The following PRICKLE2 variants were observed in gnomAD, a reference collection of about 807,000 sequenced individuals.
The protein encoded by PRICKLE2 is prickle planar cell polarity protein 2, also known as prickle-like protein 2.
In PRICKLE2, 21 loss-of-function variants were observed where a neutral mutation model predicts 81.4. That is an observed-to-expected ratio of 0.26 (90% CI 0.18 to 0.37). PRICKLE2 has a LOEUF of 0.37. PRICKLE2 is among the 10% of genes least tolerant of loss of function. PRICKLE2 has a pLI of 1.00. For missense variants in PRICKLE2, 940 were observed against 1,109.0 expected (o/e 0.85, Z 2.16); for synonymous variants, 456 against 421.5 (o/e 1.08, Z -1.00).
chr3:64,204,767 T>C (rs2078651669), intron 1 of PRICKLE2, among the ~76,000 whole-genome samples: 1 of 152,194 alleles, frequency 6.6e-6, no homozygotes, highest in South Asian at 2.1e-4. Context: ...TTTTTCTTTG[T>C]AAAGAATTTT....
chr3:64,127,237 T>C lies in PRICKLE2; in HGVS notation c.1660+19593A>G, dbSNP rs546461050. Reference sequence around the variant, plus strand: ...GCAATACAAGCTCAGCCTTACCCAATAAGATAATGTGCAACATAATGCTCC... The same window carrying C: ...GCAATACAAGCTCAGCCTTACCCAACAAGATAATGTGCAACATAATGCTCC... On this transcript the variant is annotated intron_variant, in intron 7 of 7. Transcript: ENST00000638394. Among the ~76,000 whole-genome samples, 8 of 152,240 alleles carry C rather than the reference T, an allele frequency of 5.3e-5. No homozygotes were observed. In the South Asian group the frequency reaches 1.7e-3, roughly 32 times the overall value.
chr3:64,140,251 T>C (rs2077340184), intron 7 of PRICKLE2, among the ~76,000 whole-genome samples: 2 of 152,304 alleles, frequency 1.3e-5, no homozygotes, highest in Admixed American at 6.5e-5. Flanking sequence ...GCTATTAAAC[T>C]ATAAGTCCAG....
At chr3:64,159,145 GA>G (rs1484338324) in intron 4 of PRICKLE2, among the ~76,000 whole-genome samples, 3 of 152,142 alleles carry the variant, frequency 2.0e-5, no homozygotes, top group Non-Finnish European at 4.4e-5. Context: ...AGGAAATCCA[GA>G]ATCTTGAACG....
At chr3:64,222,263 G>C (rs1401618471) in intron 1 of PRICKLE2, among the ~76,000 whole-genome samples, 1 of 152,144 alleles carries the variant, frequency 6.6e-6, no homozygotes, top group Non-Finnish European at 1.5e-5. Context: ...GGTGGGCTGT[G>C]GTTAAGGTAT....
Position 64,147,558 on chromosome 3 carries a change from C to T in PRICKLE2, c.932G>A (p.Ser311Asn), listed in dbSNP as rs1473759175. The T allele has an allele frequency of 1.2e-6, 2 of 1,614,256 alleles. No homozygotes were observed. Among genetic ancestry groups the T allele is most frequent in the South Asian group, 1.1e-5 (1 of 91,086 alleles). Residue 311 changes from serine to asparagine, a missense_variant, in exon 7 of 8, where the codon AGT becomes AAT. Physicochemically the swap from Ser to Asn is conservative, Grantham distance 46 (BLOSUM62 1). Transcript: ENST00000638394. The surrounding 1 kb of genome is among the most constrained non-coding windows in gnomAD (Gnocchi z 5.0). ...QGQIFCSRAC[S>N]AGEDPNGSDS... ...AGAACCATTGGGGTCTTCCCCAGCA[C>T]TGCAGGCCCGTGAGCAGAATATCTG...
intron 7 of PRICKLE2, among the ~76,000 whole-genome samples, chr3:64,141,393 CTGAG>C (rs2077359514): frequency 6.6e-6 from 1 of 152,212 alleles, no homozygotes; most frequent in Non-Finnish European, 1.5e-5. Context: ...GTTGTGAGGA[CTGAG>C]TGAGTTTAGT....
At chr3:64,112,180 T>G (rs11130957) in intron 7 of PRICKLE2, among the ~76,000 whole-genome samples, 54,727 of 152,068 alleles carry the variant, frequency 0.36, 11,447 homozygotes, top group Middle Eastern at 0.52. Context: ...GCTCTTACCC[T>G]TGGCCAAATT....
At chr3:64,128,459 C>T (rs1023330554) in intron 7 of PRICKLE2, among the ~76,000 whole-genome samples, 8 of 152,072 alleles carry the variant, frequency 5.3e-5, no homozygotes, top group East Asian at 1.9e-4. Flanking sequence ...ATTTAAAAAG[C>T]GTATTTGGCC....
chr3:64,267,039 C>T (rs1482767966), intron 2 of PRICKLE2, among the ~76,000 whole-genome samples: 1 of 151,984 alleles, frequency 6.6e-6, no homozygotes, highest in Non-Finnish European at 1.5e-5. Flanking sequence ...GCTGAAACCT[C>T]ATCTTTTAAA....
intron 7 of PRICKLE2, among the ~76,000 whole-genome samples, chr3:64,117,547 T>C (rs1205392205): frequency 1.3e-5 from 2 of 152,150 alleles, no homozygotes; most frequent in East Asian, 1.9e-4. Flanking sequence ...AGCATTCCTA[T>C]ATACCAACAA....
intron 2 of PRICKLE2, among the ~76,000 whole-genome samples, chr3:64,167,708 T>C (rs115534937): frequency 1.3e-5 from 2 of 152,126 alleles, no homozygotes. Flanking sequence ...GAAAAGTGTA[T>C]GAAAAGTAAG....
rs2077826752 is a variant in PRICKLE2 at position 64,166,012 on chromosome 3, G to A, written c.145-2883C>T. 3.0e-5 allele frequency among the ~76,000 whole-genome samples: 3 copies of A among 99,612 alleles called. No individual in the cohort carries two copies. In the Admixed American group the frequency reaches 3.1e-4, roughly 10 times the overall value. The allele number at this position is 99,612 out of a possible 152,430, so 65.3% of individuals were successfully genotyped here. On this transcript the variant is annotated intron_variant, in intron 2 of 7. Transcript: ENST00000638394. ...TGTGTGTGTGTGTGTGTGTGTGTGT[G>A]TGTTTTGTTTTGTTTTTGTTTTTAG...
Position 64,099,919 on chromosome 3 carries a change from G to C in PRICKLE2, c.1667C>G (p.Ser556Cys). 1 of 1,614,142 alleles carries C rather than the reference G, an allele frequency of 6.2e-7. No individual in the cohort carries two copies. The highest frequency in any genetic ancestry group is 8.5e-7 in the Non-Finnish European group (1 of 1,180,028). Residue 556 changes from serine to cysteine, a missense_variant, in exon 8 of 8, where the codon TCT (serine) becomes TGT (cysteine). Around this residue, in one of 2 missense-constraint regions of PRICKLE2, gnomAD observed 670 missense variants for 717.2 expected, o/e 0.93. Transcript: ENST00000638394. The surrounding 1 kb of genome is among the most constrained non-coding windows in gnomAD (Gnocchi z 4.3). ...CTGGCGCTTGGCACCACCATCAGCA[G>C]AGAGGCCTGGGGAAGAGAGGAGGGG... ...SLALSNATGL[S>C]ADGGAKRQEH...
Position 64,094,100 on chromosome 3 carries a change from C to A in PRICKLE2, c.*4951G>T, listed in dbSNP as rs2076537081. ...GGCCCTTTGAGGTTTTGTTTATGCA[C>A]TTGAAATGAAAGCAGGAGATGGACA... On this transcript the variant is annotated 3_prime_UTR_variant, in exon 8 of 8. Transcript: ENST00000638394. The A allele has an allele frequency of 6.6e-6, 1 of 152,340 alleles. No individual in the cohort carries two copies. Among genetic ancestry groups the A allele is most frequent in the South Asian group, 2.1e-4 (1 of 4,824 alleles). 9.4% of individuals were successfully genotyped at this position (152,340 alleles called of 1,614,324 possible).
intron 2 of PRICKLE2, among the ~76,000 whole-genome samples, chr3:64,264,527 T>C (rs1323649680): frequency 6.6e-6 from 1 of 152,206 alleles, no homozygotes; most frequent in Non-Finnish European, 1.5e-5. Flanking sequence ...ACTGATGTTA[T>C]CATTTATAAT....
intron 2 of PRICKLE2, among the ~76,000 whole-genome samples, chr3:64,263,481 C>T (rs1409565925): frequency 1.3e-5 from 2 of 152,190 alleles, no homozygotes; most frequent in Non-Finnish European, 2.9e-5. Flanking sequence ...AGGCTTTGTT[C>T]AGTCTCTGCC....
At chr3:64,191,280 G>C (rs1206468188) in intron 2 of PRICKLE2, among the ~76,000 whole-genome samples, 2 of 152,180 alleles carry the variant, frequency 1.3e-5, no homozygotes, top group South Asian at 2.1e-4. Context: ...TCTTTGAGCT[G>C]ACTCAGGGCA....
chr3:64,241,571 T>C (rs1437110991), intron 2 of PRICKLE2, among the ~76,000 whole-genome samples: 1 of 152,168 alleles, frequency 6.6e-6, no homozygotes, highest in African/African-American at 2.4e-5. Flanking sequence ...CTCATCTCAA[T>C]TGTCTCTAAA....
At chr3:64,155,595 GT>G (rs2077621926) in intron 5 of PRICKLE2, among the ~76,000 whole-genome samples, 1 of 152,172 alleles carries the variant, frequency 6.6e-6, no homozygotes, top group South Asian at 2.1e-4. Flanking sequence ...TAGCAGCGTT[GT>G]TTAGAGTAGC....
Sources: allele counts gnomAD v4.1 joint callset (sites outside exome capture counted in the v4.1 genomes callset), GRCh38; gene constraint gnomAD v4.1.1; regional missense constraint gnomAD v4.1.1; non-coding constraint Gnocchi (gnomAD v3.1); transcripts MANE v1.5; gene names NCBI Gene and HGNC (gene_info 2026-07-23, HGNC 2026-07-21).